PDS5B: variants seen among roughly 807,000 people sequenced by gnomAD.
The protein encoded by PDS5B is PDS5 cohesin associated factor B, also known as sister chromatid cohesion protein PDS5 homolog B.
PDS5B carries 51 observed loss-of-function variants against 184.1 expected under a neutral mutation model. That is an observed-to-expected ratio of 0.28 (90% CI 0.22 to 0.35). PDS5B has a LOEUF of 0.35. Ranked by LOEUF, PDS5B falls within the 10% of genes least tolerant of loss-of-function variation. The probability of loss-of-function intolerance (pLI) is 1.00; values close to 1 mark genes in which losing one functional copy is unlikely to be tolerated. For missense variants in PDS5B, 1,180 were observed against 1,723.3 expected (o/e 0.68, Z 5.58); for synonymous variants, 566 against 569.2 (o/e 0.99, Z 0.08).
intron 19 of PDS5B, among the ~76,000 whole-genome samples, chr13:32,711,856 T>G (rs559843714): frequency 6.6e-6 from 1 of 152,238 alleles, no homozygotes; most frequent in African/African-American, 2.4e-5. Flanking sequence ...TACCATTTGC[T>G]GAATGCCCAC....
chr13:32,732,239 A>T lies in PDS5B; in HGVS notation c.2247+15A>T. On this transcript the variant is annotated intron_variant, in intron 20 of 34. Coordinates refer to ENST00000315596, the MANE Select transcript of PDS5B (RefSeq NM_015032.4). ...AGATATTTGAGGTAATGAGAAAAAA[A>T]TTTTCTTGTTTATTTCATATGTCAT... is the stretch of plus-strand genomic sequence containing the variant. 1 of 1,581,836 alleles carries T rather than the reference A, an allele frequency of 6.3e-7. No homozygotes were observed. The highest frequency in any genetic ancestry group is 8.6e-7 in the Non-Finnish European group (1 of 1,157,476).
intron 1 of PDS5B, among the ~76,000 whole-genome samples, chr13:32,606,516 A>G (rs2058063006): frequency 6.6e-6 from 1 of 151,994 alleles, no homozygotes; most frequent in African/African-American, 2.4e-5. Context: ...CCTTTGTTTC[A>G]ACTTTGGTGA....
Position 32,689,927 on chromosome 13 carries a change from TC to T in PDS5B, c.1469+1359del, listed in dbSNP as rs944940761. Reference sequence around the variant, plus strand: ...GGAAATCATAGTAAATCTAGACTTCTCTACTCAGCCCAACTGTCATTCAAGA... The same window carrying T: ...GGAAATCATAGTAAATCTAGACTTCTTACTCAGCCCAACTGTCATTCAAGA... On this transcript the variant is annotated intron_variant, in intron 13 of 34. Transcript: ENST00000315596. 3 of 152,236 alleles carry T rather than the reference TC, an allele frequency of 2.0e-5. No individual in the cohort carries two copies. The East Asian group carries it at 5.8e-4, about 29-fold the overall frequency. 9.4% of individuals were successfully genotyped at this position (152,236 alleles called of 1,614,324 possible).
At position 32,635,765 on chromosome 13, in the gene PDS5B, A is replaced by ATT. The variant is rs34580707; in HGVS notation, c.-19-12970_-19-12969dup. On this transcript the variant is annotated intron_variant, in intron 1 of 34. Transcript: ENST00000315596. Reference sequence around the variant, plus strand: ...TTTGCTCCGATTTTTTAGTATTCTGATTTTTTTTTTTTTTTTTTTTGAGGC... The same window carrying ATT: ...TTTGCTCCGATTTTTTAGTATTCTGATTTTTTTTTTTTTTTTTTTTTTGAGGC... 2.9e-4 allele frequency among the ~76,000 whole-genome samples: 31 copies of ATT among 108,486 alleles called. 1 individual carries two copies. Among genetic ancestry groups the ATT allele is most frequent in the Middle Eastern group, 0.011 (2 of 184 alleles). The allele number at this position is 108,486 out of a possible 152,430, so 71.2% of individuals were successfully genotyped here.
chr13:32,708,097 C>T (rs1299956435), intron 18 of PDS5B, among the ~76,000 whole-genome samples: 1 of 151,740 alleles, frequency 6.6e-6, no homozygotes, highest in Non-Finnish European at 1.5e-5. Context: ...CCCCCTTAGT[C>T]TGTATATAAT....
At chr13:32,699,957 A>T in intron 16 of PDS5B, 88 bp downstream of exon 16, 1 of 1,227,754 alleles carries the variant, frequency 8.1e-7, no homozygotes. Flanking sequence ...TATATTCATT[A>T]TATTAAATTT....
chr13:32,673,430 T>G, intron 8 of PDS5B, 74 bp downstream of exon 8: 2 of 1,256,774 alleles, frequency 1.6e-6, no homozygotes, highest in Non-Finnish European at 2.2e-6. Flanking sequence ...TTTTTAATTT[T>G]TACAGTAGTT....
chr13:32,670,013 A>T (rs1566307083), intron 7 of PDS5B, among the ~76,000 whole-genome samples: 1 of 152,206 alleles, frequency 6.6e-6, no homozygotes, highest in Admixed American at 6.5e-5. Flanking sequence ...TAAAACAGCT[A>T]TTATTTACTC....
At chr13:32,606,107 A>G (rs2058056525) in intron 1 of PDS5B, among the ~76,000 whole-genome samples, 1 of 152,156 alleles carries the variant, frequency 6.6e-6, no homozygotes, top group Non-Finnish European at 1.5e-5. Flanking sequence ...TGATCCTGTC[A>G]TTATGATGTT....
intron 1 of PDS5B, among the ~76,000 whole-genome samples, chr13:32,616,382 A>G (rs1206396011): frequency 6.6e-6 from 1 of 151,688 alleles, no homozygotes; most frequent in Non-Finnish European, 1.5e-5. Context: ...ATTTTTTTAT[A>G]CTTTAAAAAC....
intron 7 of PDS5B, among the ~76,000 whole-genome samples, chr13:32,669,308 G>T (rs914475298): frequency 1.3e-5 from 2 of 151,198 alleles, no homozygotes; most frequent in Admixed American, 6.6e-5. Context: ...TGGAGGGGAG[G>T]GGGGACACAT....
rs140499201 is a variant in PDS5B at position 32,664,413 on chromosome 13, C to T, written c.625-3351C>T. ...GATGTGAGGTACTTAGAAATTTAAC[C>T]GTAATGTGTATCACCTTTATGTTGA... On this transcript the variant is annotated intron_variant, in intron 6 of 34. Coordinates refer to ENST00000315596, the MANE Select transcript of PDS5B (RefSeq NM_015032.4). Among the ~76,000 whole-genome samples, 11 of 152,208 alleles carry T rather than the reference C, an allele frequency of 7.2e-5. No homozygotes were observed. In the East Asian group the frequency reaches 1.4e-3, roughly 19 times the overall value.
intron 19 of PDS5B, among the ~76,000 whole-genome samples, chr13:32,714,369 T>C (rs946882500): frequency 1.3e-5 from 2 of 152,042 alleles, no homozygotes; most frequent in African/African-American, 4.8e-5. Flanking sequence ...AAATTAAAAT[T>C]GCTAATGAAG....
chr13:32,774,750 A>C (rs995274149), intron 34 of PDS5B, among the ~76,000 whole-genome samples: 4 of 152,168 alleles, frequency 2.6e-5, no homozygotes, highest in Admixed American at 2.0e-4. Context: ...ACTTCTGTTC[A>C]TTTCTCTTTA....
intron 6 of PDS5B, 75 bp from the exon 7 acceptor site, chr13:32,667,689 G>A: frequency 5.0e-6 from 4 of 805,394 alleles, no homozygotes; most frequent in Non-Finnish European, 7.8e-6. Context: ...TACTCAAGTA[G>A]CATTTTGAAT....
At chr13:32,587,330 C>T (rs561357567) in intron 1 of PDS5B, among the ~76,000 whole-genome samples, 3 of 152,262 alleles carry the variant, frequency 2.0e-5, no homozygotes, top group African/African-American at 7.2e-5. Context: ...AGGAAGAGCC[C>T]AGCACTGGCG....
chr13:32,634,460 T>C (rs923245498), intron 1 of PDS5B, among the ~76,000 whole-genome samples: 1 of 152,212 alleles, frequency 6.6e-6, no homozygotes, highest in Admixed American at 6.5e-5. Flanking sequence ...TTTGTTGTTT[T>C]TGGGCATTAT....
At chr13:32,635,589 G>A (rs1436677067) in intron 1 of PDS5B, among the ~76,000 whole-genome samples, 1 of 151,012 alleles carries the variant, frequency 6.6e-6, no homozygotes, top group East Asian at 2.0e-4. Flanking sequence ...TGATCTGGCC[G>A]CCTCAACCTC....
intron 3 of PDS5B, among the ~76,000 whole-genome samples, chr13:32,653,417 T>A (rs1039173478): frequency 6.6e-6 from 1 of 152,204 alleles, no homozygotes; most frequent in Non-Finnish European, 1.5e-5. Flanking sequence ...GTCTTGCTGT[T>A]ACTTATGTGT....
Sources: gnomAD v4.1 joint callset for allele counts (sites outside exome capture counted in the v4.1 genomes callset) on GRCh38, gnomAD v4.1.1 for gene constraint, MANE v1.5 for transcripts, NCBI Gene and HGNC (gene_info 2026-07-23, HGNC 2026-07-21) for gene names.